The following CFH variants were observed in gnomAD, a reference collection of about 807,000 sequenced individuals.
The protein encoded by CFH is complement factor H.
In CFH, 53 loss-of-function variants were observed where a neutral mutation model predicts 147.3. The observed-to-expected ratio is 0.36, with a 90% CI of 0.29 to 0.45. The LOEUF is 0.45. Ranked by LOEUF, CFH falls within the 20% of genes least tolerant of loss-of-function variation. The pLI is 1.00. For missense variants in CFH, 1,380 were observed against 1,498.0 expected (o/e 0.92, Z 1.30); for synonymous variants, 536 against 489.4 (o/e 1.10, Z -1.26).
intron 3 of CFH, among the ~76,000 whole-genome samples, chr1:196,675,498 C>T (rs1667423691): frequency 1.3e-5 from 2 of 152,020 alleles, no homozygotes; most frequent in South Asian, 2.1e-4. Context: ...GACAGAAATA[C>T]GGTCTAAGAC....
intron 9 of CFH, among the ~76,000 whole-genome samples, chr1:196,700,061 A>T (rs946450467): frequency 6.6e-6 from 1 of 152,144 alleles, no homozygotes; most frequent in African/African-American, 2.4e-5. Flanking sequence ...AAAACTACTG[A>T]TGCCAGCCAT....
At chr1:196,653,900 C>A (rs1481602653) in intron 1 of CFH, among the ~76,000 whole-genome samples, 1 of 151,996 alleles carries the variant, frequency 6.6e-6, no homozygotes, top group Non-Finnish European at 1.5e-5. Context: ...CTTAGGCCAG[C>A]CTCATAATTT....
intron 1 of CFH, among the ~76,000 whole-genome samples, chr1:196,664,716 C>G (rs925256138): frequency 6.6e-6 from 1 of 151,940 alleles, no homozygotes; most frequent in African/African-American, 2.4e-5. Context: ...TAAATATTAC[C>G]CAAACCACAA....
At chr1:196,740,992 T>C in intron 18 of CFH, 200 bp downstream of exon 18, 1 of 590,722 alleles carries the variant, frequency 1.7e-6, no homozygotes, top group East Asian at 3.0e-5. Context: ...CACATCATCT[T>C]GTGTGAACTT....
At chr1:196,721,795 T>A (rs2149106547) in intron 11 of CFH, among the ~76,000 whole-genome samples, 1 of 141,370 alleles carries the variant, frequency 7.1e-6, no homozygotes, top group East Asian at 2.3e-4. Context: ...CCTTTATCAT[T>A]GTGTAATGAA....
chr1:196,741,790 T>A, intron 18 of CFH, 85 bp from the exon 19 acceptor site: 1 of 1,233,198 alleles, frequency 8.1e-7, no homozygotes, highest in Non-Finnish European at 1.2e-6. Flanking sequence ...ATTCTATATA[T>A]CGCTATTTTA....
At chr1:196,691,321 A>G (rs1668015795) in intron 9 of CFH, among the ~76,000 whole-genome samples, 2 of 152,134 alleles carry the variant, frequency 1.3e-5, no homozygotes, top group South Asian at 4.1e-4. Flanking sequence ...TGTAAGTACA[A>G]ATGGGTATTC....
At chr1:196,701,620 A>G (rs1668450758) in intron 9 of CFH, 1 of 438,804 alleles carries the variant, frequency 2.3e-6, no homozygotes, top group Admixed American at 3.6e-5. Context: ...TACAAATCTG[A>G]CAATCTCGTA....
intron 11 of CFH, among the ~76,000 whole-genome samples, chr1:196,719,364 A>G (rs1373266175): frequency 6.6e-6 from 1 of 151,972 alleles, no homozygotes; most frequent in Non-Finnish European, 1.5e-5. Context: ...ATACAAAAAA[A>G]AGAATTGCTA....
chr1:196,726,475 G>A lies in CFH; in HGVS notation c.1879G>A (p.Val627Ile), dbSNP rs765008325. ...ACATAGTATTTCTACTATAGAGCAA[G>A]TACAATCATGTGGTCCACCTCCTGA... Reference protein sequence around the residue: ...SPDLPICKEQVQSCGPPPELL... With the variant: ...SPDLPICKEQIQSCGPPPELL... Residue 627 changes from valine to isoleucine, a missense_variant, in exon 13 of 22, where the codon GTA becomes ATA. By Grantham distance (29) the Val-to-Ile change is conservative. Transcript: ENST00000367429. The A allele has an allele frequency of 1.9e-6, 3 of 1,608,550 alleles. No individual in the cohort carries two copies. Among genetic ancestry groups the A allele is most frequent in the Admixed American group, 1.7e-5 (1 of 59,958 alleles).
At chr1:196,746,136 A>G (rs1324542993) in intron 21 of CFH, 137 bp downstream of exon 21, 12 of 1,515,956 alleles carry the variant, frequency 7.9e-6, no homozygotes, top group Non-Finnish European at 1.1e-5. Flanking sequence ...TCTGTCAGAA[A>G]GTAAAGTTTA....
intron 15 of CFH, among the ~76,000 whole-genome samples, chr1:196,732,359 T>A (rs1250625332): frequency 6.6e-6 from 1 of 152,026 alleles, no homozygotes; most frequent in African/African-American, 2.4e-5. Flanking sequence ...ACTTTCTACC[T>A]CTTTGTTGAA....
At chr1:196,669,430 C>T (rs1361139307) in intron 1 of CFH, among the ~76,000 whole-genome samples, 2 of 152,112 alleles carry the variant, frequency 1.3e-5, no homozygotes, top group Admixed American at 6.5e-5. Flanking sequence ...CTGGTTGCCT[C>T]GGAAGGAAAA....
At chr1:196,732,521 AT>A (rs1669303597) in intron 15 of CFH, among the ~76,000 whole-genome samples, 1 of 151,928 alleles carries the variant, frequency 6.6e-6, no homozygotes, top group Non-Finnish European at 1.5e-5. Flanking sequence ...GAGTTATGAT[AT>A]CTTGTTTCTT....
At chr1:196,697,367 A>G (rs1294735312) in intron 9 of CFH, among the ~76,000 whole-genome samples, 1 of 152,246 alleles carries the variant, frequency 6.6e-6, no homozygotes, top group Non-Finnish European at 1.5e-5. Context: ...ACACTTCTCA[A>G]AAGAAGACAT....
intron 9 of CFH, 185 bp downstream of exon 9, chr1:196,690,424 A>C (rs779893909): frequency 2.5e-6 from 2 of 787,032 alleles, no homozygotes; most frequent in Non-Finnish European, 4.3e-6. Context: ...TGATAAGTAC[A>C]TAGTAAAATA....
At chr1:196,665,383 A>G (rs1667045903) in intron 1 of CFH, among the ~76,000 whole-genome samples, 1 of 150,872 alleles carries the variant, frequency 6.6e-6, no homozygotes. Context: ...AAATATAATT[A>G]TAGATAGATG....
At chr1:196,737,395 T>C in intron 16 of CFH, 80 bp from the exon 17 acceptor site, 1 of 1,019,318 alleles carries the variant, frequency 9.8e-7, no homozygotes, top group Admixed American at 2.1e-5. Flanking sequence ...CACTTTAAAA[T>C]CCGAAATAGT....
intron 9 of CFH, among the ~76,000 whole-genome samples, chr1:196,693,677 A>T (rs927503847): frequency 6.6e-6 from 1 of 152,050 alleles, no homozygotes; most frequent in African/African-American, 2.4e-5. Context: ...TAAACTGTGG[A>T]TGCACTAGAC....
Sources: gnomAD v4.1 joint callset for allele counts (sites outside exome capture counted in the v4.1 genomes callset) on GRCh38, gnomAD v4.1.1 for gene constraint, MANE v1.5 for transcripts, NCBI Gene and HGNC (gene_info 2026-07-23, HGNC 2026-07-21) for gene names.